The following SMAD4 variants were observed in gnomAD, a reference collection of about 807,000 sequenced individuals.
SMAD4 encodes the protein SMAD family member 4.
In SMAD4, 7 loss-of-function variants were observed where a neutral mutation model predicts 63.2. The observed-to-expected ratio is 0.11, with a 90% CI of 0.06 to 0.21. SMAD4 has a LOEUF of 0.21. Among genes scored for constraint, SMAD4 ranks in the 10% least tolerant of loss-of-function variants. SMAD4 has a pLI of 1.00. For missense variants in SMAD4, 312 were observed against 693.8 expected, an observed-to-expected ratio of 0.45 and a Z score of 6.18; for synonymous variants, 215 against 235.4, an observed-to-expected ratio of 0.91 and a Z score of 0.79.
chr18:51,084,265 A>G lies in SMAD4; in HGVS notation c.*5798A>G, dbSNP rs1048271234. On this transcript the variant is annotated 3_prime_UTR_variant, in exon 12 of 12. Transcript: ENST00000342988. ...GAAAACCTGTTGTTAATGCTTAGTG[A>G]TATTATGCTCAAAACAAGGAAATTC... is the stretch of plus-strand genomic sequence containing the variant. 4 of 228,760 alleles carry G rather than the reference A, an allele frequency of 1.7e-5. No homozygotes were observed. The highest frequency in any genetic ancestry group is 8.9e-5 in the African/African-American group (4 of 44,986). 14.2% of individuals were successfully genotyped at this position (228,760 alleles called of 1,614,324 possible).
rs796815829 is a variant in SMAD4, at chr18:51,064,052, A to AT, written c.956-1359dup. ...CATCAATCATACTTCATTTTAGGTT[A>AT]TTTTTTTTTTTTCCGTAAGATCTGG... On this transcript the variant is annotated intron_variant, in intron 8 of 11. Coordinates refer to ENST00000342988, the MANE Select transcript of SMAD4 (RefSeq NM_005359.6). 9.7e-3 allele frequency among the ~76,000 whole-genome samples: 1,363 copies of AT among 140,676 alleles called. 7 individuals carry two copies. Among genetic ancestry groups the AT allele is most frequent in the Middle Eastern group, 0.018 (5 of 280 alleles). The allele number at this position is 140,676 out of a possible 152,430, so 92.3% of individuals were successfully genotyped here. A position where few individuals can be genotyped will look rare whatever the true frequency, so the allele number is the denominator to read the frequency against.
chr18:51,081,450 A>G lies in SMAD4; in HGVS notation c.*2983A>G. The G allele has an allele frequency of 4.3e-6, 1 of 230,862 alleles. No homozygotes were observed. The highest frequency in any genetic ancestry group is 6.2e-5 in the East Asian group (1 of 16,244). 14.3% of individuals were successfully genotyped at this position (230,862 alleles called of 1,614,324 possible). On this transcript the variant is annotated 3_prime_UTR_variant, in exon 12 of 12. Transcript: ENST00000342988. ...TTACCGCCCCTGGTATACAAAGATA[A>G]TGACAATAAATCACTGCCATATAAC...
chr18:51,060,202 T>A (rs1909970735), intron 8 of SMAD4, among the ~76,000 whole-genome samples: 1 of 152,148 alleles, frequency 6.6e-6, no homozygotes, highest in African/African-American at 2.4e-5. Flanking sequence ...TGCAGCAGAA[T>A]AAAACTAGGT....
chr18:51,075,128 G>A (rs1006099266), intron 10 of SMAD4, among the ~76,000 whole-genome samples: 6 of 152,178 alleles, frequency 3.9e-5, no homozygotes, highest in Admixed American at 3.9e-4. Flanking sequence ...TCCTTCATTG[G>A]TGCTAATTGG....
intron 1 of SMAD4, among the ~76,000 whole-genome samples, chr18:51,031,634 T>A (rs1909052977): frequency 6.6e-6 from 1 of 152,190 alleles, no homozygotes; most frequent in African/African-American, 2.4e-5. Context: ...AACCTTTGAC[T>A]TTTGCCAGAA....
chr18:51,061,677 A>T (rs1910019320), intron 8 of SMAD4, among the ~76,000 whole-genome samples: 1 of 152,196 alleles, frequency 6.6e-6, no homozygotes, highest in East Asian at 1.9e-4. Context: ...ATCTTGTTTC[A>T]TTCATACTCA....
At chr18:51,056,442 C>G (rs1568205604) in intron 5 of SMAD4, among the ~76,000 whole-genome samples, 1 of 151,736 alleles carries the variant, frequency 6.6e-6, no homozygotes, top group East Asian at 1.9e-4. Context: ...ACCGTAAATA[C>G]TGTAAGTTTT....
chr18:51,064,399 T>C (rs1019933252), intron 8 of SMAD4, among the ~76,000 whole-genome samples: 1 of 152,254 alleles, frequency 6.6e-6, no homozygotes, highest in Non-Finnish European at 1.5e-5. Flanking sequence ...TTCATTGTTA[T>C]CTGAGTTATT....
rs1159969855 is a variant in SMAD4 at position 51,030,260 on chromosome 18, T to G, written c.-491T>G. The G allele has an allele frequency of 6.5e-6, 1 of 152,794 alleles. No homozygotes were observed. Among genetic ancestry groups the G allele is most frequent in the Non-Finnish European group, 1.5e-5 (1 of 68,230 alleles). 9.5% of individuals were successfully genotyped at this position (152,794 alleles called of 1,614,324 possible). ...GTTGGCAGCAACAACACGGCCCTGG[T>G]CGTCGTCGCCGCTGCGGTAACGGAG... On this transcript the variant is annotated 5_prime_UTR_variant, in exon 1 of 12. Coordinates refer to ENST00000342988, the MANE Select transcript of SMAD4 (RefSeq NM_005359.6).
chr18:51,037,688 C>T (rs557204987), intron 1 of SMAD4, among the ~76,000 whole-genome samples: 2 of 152,276 alleles, frequency 1.3e-5, no homozygotes, highest in South Asian at 4.1e-4. Context: ...AGGAAAAGCA[C>T]TTGTGTTATT....
chr18:51,062,229 G>A (rs1449263154), intron 8 of SMAD4, among the ~76,000 whole-genome samples: 1 of 152,170 alleles, frequency 6.6e-6, no homozygotes, highest in African/African-American at 2.4e-5. Flanking sequence ...GTAGGTCAAG[G>A]GGTCTAGCCT....
In SMAD4 at chr18:51,077,741, A is replaced by G. The variant is rs1910506644; in HGVS notation, c.1448-515A>G. On this transcript the variant is annotated intron_variant, in intron 11 of 11. Transcript: ENST00000342988. ...AACTATTATTAAGTTTCATATTCTC[A>G]TCAGTTGCCACCACTGAGTAATAGT... is the stretch of plus-strand genomic sequence containing the variant. Among the ~76,000 whole-genome samples, 3 of 152,208 alleles carry G rather than the reference A, an allele frequency of 2.0e-5. No homozygotes were observed. The South Asian group carries it at 6.2e-4, about 32-fold the overall frequency.
intron 10 of SMAD4, among the ~76,000 whole-genome samples, chr18:51,069,368 G>T (rs2144458160): frequency 6.6e-6 from 1 of 152,222 alleles, no homozygotes; most frequent in East Asian, 1.9e-4. Flanking sequence ...GCCCAACTCA[G>T]CTCCCAAAGT....
intron 5 of SMAD4, among the ~76,000 whole-genome samples, 190 bp from the exon 6 acceptor site, chr18:51,057,935 C>G (rs1335113808): frequency 6.6e-6 from 1 of 152,216 alleles, no homozygotes; most frequent in Non-Finnish European, 1.5e-5. Context: ...TAATTTTGAG[C>G]TTCCTCAAGT....
intron 5 of SMAD4, among the ~76,000 whole-genome samples, chr18:51,056,960 G>A (rs1909862028): frequency 6.6e-6 from 1 of 152,066 alleles, no homozygotes; most frequent in Admixed American, 6.5e-5. Context: ...TTAAAAATAT[G>A]AACAAAACCA....
intron 1 of SMAD4, among the ~76,000 whole-genome samples, chr18:51,033,168 AC>A (rs796353328): frequency 3.3e-5 from 5 of 150,630 alleles, no homozygotes; most frequent in African/African-American, 9.7e-5. Flanking sequence ...TAAAGGACTT[AC>A]ACCAGCATAA....
chr18:51,070,557 C>A (rs984463685), intron 10 of SMAD4, among the ~76,000 whole-genome samples: 1 of 152,200 alleles, frequency 6.6e-6, no homozygotes, highest in Admixed American at 6.5e-5. Flanking sequence ...GAGACAGTTA[C>A]AAGTACAACC....
rs1248068742 is a variant in SMAD4, at chr18:51,051,460, TTAAAGTCTTG to T, written c.454+2138_454+2147del. ...ATGGGACAGTTCCTTCATTTTTGAG[TTAAAGTCTTG>T]TGGTAATCATTTCCAGCCTATCTTT... On this transcript the variant is annotated intron_variant, in intron 4 of 11. Coordinates refer to ENST00000342988, the MANE Select transcript of SMAD4 (RefSeq NM_005359.6). 1.1e-5 allele frequency: 5 copies of T among 451,594 alleles called. No individual in the cohort carries two copies. In the Admixed American group the frequency reaches 1.2e-4, roughly 11 times the overall value. 28.0% of individuals were successfully genotyped at this position (451,594 alleles called of 1,614,324 possible). A position where few individuals can be genotyped will look rare whatever the true frequency, so the allele number is the denominator to read the frequency against.
intron 1 of SMAD4, among the ~76,000 whole-genome samples, chr18:51,037,313 C>T (rs1192251975): frequency 1.3e-5 from 2 of 152,192 alleles, no homozygotes; most frequent in Non-Finnish European, 2.9e-5. Flanking sequence ...TCCCTAGGAT[C>T]CTTATATTTA....
Sources: allele counts gnomAD v4.1 joint callset (sites outside exome capture counted in the v4.1 genomes callset), GRCh38; gene constraint gnomAD v4.1.1; transcripts MANE v1.5; gene names NCBI Gene and HGNC (gene_info 2026-07-23, HGNC 2026-07-21).